Variants in MAST4 observed in about 807,000 individuals in gnomAD.
MAST4 encodes the protein microtubule-associated serine/threonine-protein kinase 4.
Under a neutral mutation model 162.7 loss-of-function variants are expected in MAST4, and 89 were observed. That is an observed-to-expected ratio of 0.55 (90% confidence interval 0.46 to 0.65). The LOEUF (loss-of-function observed/expected upper bound fraction) is 0.65. Ranked by LOEUF, MAST4 falls within the 30% of genes least tolerant of loss-of-function variation. The pLI is 0.00. For synonymous variants in MAST4, 1,479 were observed against 1,361.1 expected (o/e 1.09, Z -1.91); for missense variants, 3,153 against 3,374.0 (o/e 0.93, Z 1.62).
intron 7 of MAST4, among the ~76,000 whole-genome samples, chr5:67,096,605 C>T (rs1458628273): frequency 2.0e-5 from 3 of 152,130 alleles, no homozygotes; most frequent in Non-Finnish European, 4.4e-5. Context: ...CAAGAAACTA[C>T]AGTTAAATAG....
intron 14 of MAST4, among the ~76,000 whole-genome samples, chr5:67,126,384 C>T (rs1768234840): frequency 6.6e-6 from 1 of 152,164 alleles, no homozygotes; most frequent in South Asian, 2.1e-4. Context: ...TTAGGTCTTA[C>T]ATTTAAGTCT....
intron 5 of MAST4, among the ~76,000 whole-genome samples, chr5:67,055,039 A>G (rs1010969639): frequency 2.0e-5 from 3 of 151,742 alleles, no homozygotes; most frequent in East Asian, 1.9e-4. Context: ...AGTTCTATCC[A>G]TGGTGATGCA....
intron 4 of MAST4, among the ~76,000 whole-genome samples, chr5:66,900,457 A>T (rs1287095605): frequency 6.6e-6 from 1 of 152,128 alleles, no homozygotes; most frequent in East Asian, 1.9e-4. Flanking sequence ...ATGACCTTGT[A>T]TTAAAATAAT....
At chr5:66,825,309 CACACAG>C (rs1220757565) in intron 3 of MAST4, among the ~76,000 whole-genome samples, 2 of 133,942 alleles carry the variant, frequency 1.5e-5, no homozygotes, top group African/African-American at 2.8e-5. Flanking sequence ...CACACACACA[CACACAG>C]GCCTAGTCCT....
intron 1 of MAST4, among the ~76,000 whole-genome samples, chr5:66,718,502 G>A (rs775930460): frequency 6.6e-6 from 1 of 152,104 alleles, no homozygotes; most frequent in East Asian, 1.9e-4. Context: ...GGTGGTATCT[G>A]TCTCAGGGCC....
chr5:66,829,518 C>T (rs998637422), intron 3 of MAST4, among the ~76,000 whole-genome samples: 3 of 152,006 alleles, frequency 2.0e-5, no homozygotes, highest in African/African-American at 7.3e-5. Flanking sequence ...AATCAGAAAA[C>T]TTGGAAAAAA....
intron 1 of MAST4, chr5:66,662,602 C>G (rs1240767933): frequency 2.6e-5 from 4 of 151,908 alleles, no homozygotes; most frequent in Non-Finnish European, 5.9e-5. Context: ...GATAAAGGGA[C>G]AGTAGTATTT....
At chr5:66,969,431 G>A (rs1489518007) in intron 4 of MAST4, among the ~76,000 whole-genome samples, 1 of 152,164 alleles carries the variant, frequency 6.6e-6, no homozygotes, top group East Asian at 1.9e-4. Context: ...TACCTCGCTG[G>A]CAATGTAAGA....
chr5:66,729,125 C>G lies in MAST4; in HGVS notation c.364-30584C>G, dbSNP rs79726044. On this transcript the variant is annotated intron_variant, in intron 1 of 28. Transcript: ENST00000403625. ...AGAAGTGCAACAGCACTTAACTGACCCATTTGAAAGGAAGGGTAAGTGTGT... is the reference window on the plus strand; with the variant it reads ...AGAAGTGCAACAGCACTTAACTGACGCATTTGAAAGGAAGGGTAAGTGTGT... Among the ~76,000 whole-genome samples the G allele has an allele frequency of 3.8e-3, 580 of 152,164 alleles. 2 individuals are homozygous for G. The highest frequency in any genetic ancestry group is 0.013 in the African/African-American group (557 of 41,518).
At chr5:67,019,716 A>G (rs906778350) in intron 4 of MAST4, among the ~76,000 whole-genome samples, 1 of 152,142 alleles carries the variant, frequency 6.6e-6, no homozygotes, top group Non-Finnish European at 1.5e-5. Flanking sequence ...ACTTTTTTTT[A>G]AACTCTAAAG....
chr5:67,114,058 A>G (rs1408037669), intron 11 of MAST4, 29 bp from the exon 12 acceptor site: 1 of 1,612,300 alleles, frequency 6.2e-7, no homozygotes, highest in Non-Finnish European at 8.5e-7. Context: ...GGCTCAAAGA[A>G]GTATCCATCT....
At chr5:67,022,061 T>G (rs1170757969) in intron 4 of MAST4, among the ~76,000 whole-genome samples, 1 of 152,194 alleles carries the variant, frequency 6.6e-6, no homozygotes, top group East Asian at 1.9e-4. Flanking sequence ...TGTAATTCTG[T>G]ATATACTTAT....
At chr5:67,050,369 A>T (rs193225968) in intron 4 of MAST4, among the ~76,000 whole-genome samples, 2 of 152,176 alleles carry the variant, frequency 1.3e-5, no homozygotes, top group East Asian at 3.9e-4. Context: ...AAGCATCTCC[A>T]CCCAAGCACC....
intron 28 of MAST4, 140 bp downstream of exon 28, chr5:67,162,928 C>A: frequency 9.7e-7 from 1 of 1,034,962 alleles, no homozygotes; most frequent in Non-Finnish European, 1.4e-6. Flanking sequence ...ATAGAGAGGT[C>A]ATAAGATGTG....
chr5:67,090,381 C>A (rs1171070930), intron 6 of MAST4, 150 bp downstream of exon 6: 3 of 381,050 alleles, frequency 7.9e-6, no homozygotes, highest in Admixed American at 7.1e-5. Context: ...CCTTCTGCCC[C>A]TCCCCACTTC....
intron 3 of MAST4, among the ~76,000 whole-genome samples, chr5:66,867,320 G>A (rs897321778): frequency 1.3e-5 from 2 of 152,060 alleles, no homozygotes; most frequent in Non-Finnish European, 2.9e-5. Flanking sequence ...AATTCACTGG[G>A]CACCCATTAT....
At chr5:67,092,478 T>C (rs1372579193) in intron 6 of MAST4, among the ~76,000 whole-genome samples, 1 of 152,226 alleles carries the variant, frequency 6.6e-6, no homozygotes, top group Non-Finnish European at 1.5e-5. Context: ...AGATTTTGTC[T>C]GGAGGAAGGC....
At chr5:66,612,532 G>A (rs548544897) in intron 1 of MAST4, among the ~76,000 whole-genome samples, 3 of 152,296 alleles carry the variant, frequency 2.0e-5, no homozygotes, top group African/African-American at 7.2e-5. Flanking sequence ...GGTGGGTGGG[G>A]AGGGAAGGAA....
At chr5:66,803,528 T>C (rs258267) in intron 3 of MAST4, among the ~76,000 whole-genome samples, 125,256 of 152,024 alleles carry the variant, frequency 0.82, 51,706 homozygotes, top group Non-Finnish European at 0.85. Context: ...GCTCTGTTTA[T>C]TTAGGACTTT....
Sources: gnomAD v4.1 joint callset for allele counts (sites outside exome capture counted in the v4.1 genomes callset) on GRCh38, gnomAD v4.1.1 for gene constraint, MANE v1.5 for transcripts, NCBI Gene and HGNC (gene_info 2026-07-23, HGNC 2026-07-21) for gene names.